Variants in LINGO2 observed in about 807,000 individuals in gnomAD.
LINGO2 encodes the protein leucine rich repeat and Ig domain containing 2.
A neutral mutation model predicts 30.6 loss-of-function variants in LINGO2; 14 were observed. The ratio of observed to expected loss-of-function variants is 0.46; its 90% CI spans 0.30 to 0.72. LINGO2 has a LOEUF of 0.72. Among genes scored for constraint, LINGO2 ranks in the 30% least tolerant of loss-of-function variants. The pLI is 0.07. For missense variants in LINGO2, 729 were observed against 751.7 expected, an observed-to-expected ratio of 0.97 and a Z score of 0.35; for synonymous variants, 317 against 288.5, an observed-to-expected ratio of 1.10 and a Z score of -1.00.
chr9:28,855,769 T>C, the LINGO2 span, among the ~76,000 whole-genome samples: 1 of 152,004 alleles, frequency 6.6e-6, no homozygotes, highest in Non-Finnish European at 1.5e-5. Context: ...CCAGGCACTA[T>C]CTGTCCCAAA....
At chr9:28,608,642 C>A (rs1409715640) in intron 1 of LINGO2, among the ~76,000 whole-genome samples, 2 of 151,796 alleles carry the variant, frequency 1.3e-5, no homozygotes, top group Non-Finnish European at 2.9e-5. Flanking sequence ...ATTAAAAGAT[C>A]TAGTATTATT....
the LINGO2 span, among the ~76,000 whole-genome samples, chr9:29,001,923 C>T: frequency 1.3e-5 from 2 of 151,964 alleles, no homozygotes; most frequent in Admixed American, 6.6e-5. Flanking sequence ...AGGATAAACA[C>T]CCACCTGCTT....
At chr9:28,390,279 T>G (rs544150680) in intron 2 of LINGO2, among the ~76,000 whole-genome samples, 23 of 152,290 alleles carry the variant, frequency 1.5e-4, no homozygotes, top group Admixed American at 7.2e-4. Context: ...AACTATTTCT[T>G]TCAGCACAAA....
intron 3 of LINGO2, among the ~76,000 whole-genome samples, chr9:28,363,929 A>G (rs1309278210): frequency 6.6e-6 from 1 of 152,124 alleles, no homozygotes; most frequent in Non-Finnish European, 1.5e-5. Flanking sequence ...TTTGATAAAG[A>G]AAGCTCAAAA....
the LINGO2 span, among the ~76,000 whole-genome samples, chr9:29,132,958 T>C: frequency 0.24 from 36,974 of 151,836 alleles, 4,689 homozygotes; most frequent in East Asian, 0.44. Context: ...TGGGCTCAGG[T>C]AATCCTCCTG....
chr9:28,910,842 G>C, the LINGO2 span, among the ~76,000 whole-genome samples: 1 of 151,890 alleles, frequency 6.6e-6, no homozygotes, highest in East Asian at 1.9e-4. Flanking sequence ...AAAGATACTA[G>C]TCCTGTATAT....
At chr9:28,708,951 C>T in the LINGO2 span, among the ~76,000 whole-genome samples, 3 of 152,048 alleles carry the variant, frequency 2.0e-5, no homozygotes, top group Admixed American at 2.0e-4. Context: ...GTATCTTTGT[C>T]AAATTGATAA....
At chr9:28,618,135 C>T (rs1020965844) in intron 1 of LINGO2, among the ~76,000 whole-genome samples, 3 of 152,084 alleles carry the variant, frequency 2.0e-5, no homozygotes, top group Admixed American at 6.6e-5. Context: ...TCTAGAGCAA[C>T]CATTTGAGTA....
the LINGO2 span, among the ~76,000 whole-genome samples, chr9:29,167,799 C>T: frequency 6.6e-6 from 1 of 152,132 alleles, no homozygotes; most frequent in South Asian, 2.1e-4. Context: ...CCTGCTTGTT[C>T]AGAACAATCT....
At chr9:28,230,959 A>G (rs1419212131) in intron 4 of LINGO2, among the ~76,000 whole-genome samples, 1 of 151,988 alleles carries the variant, frequency 6.6e-6, no homozygotes, top group Non-Finnish European at 1.5e-5. Context: ...AACTAATGAA[A>G]TAGTCATGTT....
the LINGO2 span, among the ~76,000 whole-genome samples, chr9:29,210,290 C>T: frequency 6.6e-6 from 1 of 152,252 alleles, no homozygotes; most frequent in African/African-American, 2.4e-5. Context: ...GATTAAATGT[C>T]AAGAAAGAAA....
intron 4 of LINGO2, among the ~76,000 whole-genome samples, chr9:28,280,650 A>T (rs1760164666): frequency 6.6e-6 from 1 of 152,104 alleles, no homozygotes; most frequent in Admixed American, 6.6e-5. Context: ...TGTGGATATC[A>T]GTATACTCTG....
At chr9:28,699,035 C>T in the LINGO2 span, among the ~76,000 whole-genome samples, 1 of 132,466 alleles carries the variant, frequency 7.5e-6, no homozygotes, top group Non-Finnish European at 1.6e-5. Context: ...GAATGAGACC[C>T]TGCCTCAAAA....
At chr9:28,683,637 C>A in the LINGO2 span, among the ~76,000 whole-genome samples, 1 of 152,056 alleles carries the variant, frequency 6.6e-6, no homozygotes, top group Non-Finnish European at 1.5e-5. Context: ...CATCTTAGAG[C>A]CAGGATTAAA....
At chr9:28,951,161 A>C in the LINGO2 span, among the ~76,000 whole-genome samples, 6 of 152,190 alleles carry the variant, frequency 3.9e-5, no homozygotes, top group Non-Finnish European at 8.8e-5. Context: ...TGTTTAATAA[A>C]TGGTGTTAGG....
intron 1 of LINGO2, among the ~76,000 whole-genome samples, chr9:28,524,242 C>T (rs924049955): frequency 9.9e-5 from 15 of 152,046 alleles, no homozygotes; most frequent in African/African-American, 3.6e-4. Context: ...AAGTTCAATG[C>T]CTACCTCACA....
intron 2 of LINGO2, among the ~76,000 whole-genome samples, chr9:28,378,901 A>G (rs1821232583): frequency 6.6e-6 from 1 of 152,028 alleles, no homozygotes; most frequent in Admixed American, 6.6e-5. Flanking sequence ...TTTGCCCAAG[A>G]CACCCAGATT....
At chr9:28,070,460 T>C (rs1222544625) in intron 4 of LINGO2, among the ~76,000 whole-genome samples, 1 of 152,114 alleles carries the variant, frequency 6.6e-6, no homozygotes, top group Non-Finnish European at 1.5e-5. Flanking sequence ...ATCATTTCAG[T>C]TTATTTGATT....
At chr9:29,201,655 C>A in the LINGO2 span, among the ~76,000 whole-genome samples, 1 of 151,952 alleles carries the variant, frequency 6.6e-6, no homozygotes, top group Non-Finnish European at 1.5e-5. Context: ...CTTTTCTGTA[C>A]AAACCTCTCA....
Sources: gnomAD v4.1 joint callset for allele counts (sites outside exome capture counted in the v4.1 genomes callset) on GRCh38, gnomAD v4.1.1 for gene constraint, MANE v1.5 for transcripts, NCBI Gene and HGNC (gene_info 2026-07-23, HGNC 2026-07-21) for gene names.